The following KIF13B variants were observed in gnomAD, a reference collection of about 807,000 sequenced individuals.
The protein encoded by KIF13B is kinesin family member 13B.
In KIF13B, 127 loss-of-function variants were observed where a neutral mutation model predicts 222.0. That is an observed-to-expected ratio of 0.57 (90% CI 0.50 to 0.66). KIF13B has a LOEUF of 0.66. KIF13B is among the 30% of genes least tolerant of loss of function. KIF13B has a pLI of 0.00. For missense variants in KIF13B, 2,173 were observed against 2,379.0 expected, an observed-to-expected ratio of 0.91 and a Z score of 1.80; for synonymous variants, 976 against 919.0, an observed-to-expected ratio of 1.06 and a Z score of -1.12.
At chr8:29,135,275 G>A (rs568909409) in intron 21 of KIF13B, among the ~76,000 whole-genome samples, 1 of 152,028 alleles carries the variant, frequency 6.6e-6, no homozygotes, top group Non-Finnish European at 1.5e-5. Context: ...GAATTCCTGA[G>A]CTCAAGTGAT....
intron 23 of KIF13B, 56 bp downstream of exon 23, chr8:29,132,252 A>T: frequency 7.5e-7 from 1 of 1,331,208 alleles, no homozygotes; most frequent in Non-Finnish European, 9.8e-7. Context: ...TGTCTCAAAA[A>T]ACAAAAAAAA....
intron 36 of KIF13B, among the ~76,000 whole-genome samples, chr8:29,098,041 C>T (rs182073097): frequency 1.1e-4 from 16 of 151,448 alleles, no homozygotes; most frequent in East Asian, 9.8e-4. Flanking sequence ...CATGGTGGCA[C>T]GTGCCTGCAG....
At chr8:29,090,695 CT>C (rs1219057884) in intron 37 of KIF13B, among the ~76,000 whole-genome samples, 1 of 152,100 alleles carries the variant, frequency 6.6e-6, no homozygotes, top group Non-Finnish European at 1.5e-5. Flanking sequence ...GATTTATATA[CT>C]TTATGTATTT....
In KIF13B at chr8:29,239,307, C is replaced by T. The variant is rs546511944; in HGVS notation, c.149+6039G>A. On this transcript the variant is annotated intron_variant, in intron 2 of 39. Coordinates refer to ENST00000524189, the MANE Select transcript of KIF13B (RefSeq NM_015254.4). ...CTGAGGAGGTATAGCTCCCTGTTTCCGTCTCTAAAAGAGCTGGAAGTATAC... is the reference window on the plus strand; with the variant it reads ...CTGAGGAGGTATAGCTCCCTGTTTCTGTCTCTAAAAGAGCTGGAAGTATAC... Among the ~76,000 whole-genome samples the T allele has an allele frequency of 1.4e-3, 214 of 152,278 alleles. 1 individual carries two copies. Among genetic ancestry groups the T allele is most frequent in the Admixed American group, 2.5e-3 (38 of 15,302 alleles).
At chr8:29,123,335 G>C in intron 28 of KIF13B, 31 bp downstream of exon 28, 2 of 1,611,372 alleles carry the variant, frequency 1.2e-6, no homozygotes, top group Non-Finnish European at 1.7e-6. Context: ...TGAGCGTTCA[G>C]ACCTCACAAG....
intron 36 of KIF13B, among the ~76,000 whole-genome samples, chr8:29,097,311 A>G (rs550759567): frequency 6.6e-6 from 1 of 152,024 alleles, no homozygotes; most frequent in South Asian, 2.1e-4. Context: ...ATCTTAAATA[A>G]TTAGAAGCTA....
chr8:29,141,216 C>T (rs1810804432), intron 19 of KIF13B, among the ~76,000 whole-genome samples: 1 of 151,904 alleles, frequency 6.6e-6, no homozygotes, highest in South Asian at 2.1e-4. Flanking sequence ...CGCCTGTAAT[C>T]CCAGCTACTC....
intron 2 of KIF13B, among the ~76,000 whole-genome samples, chr8:29,232,452 A>G (rs1815328512): frequency 6.7e-6 from 1 of 148,684 alleles, no homozygotes. Context: ...ATATATATAT[A>G]TATACTTATA....
At chr8:29,073,635 A>C (rs1365446995) in intron 38 of KIF13B, among the ~76,000 whole-genome samples, 3 of 152,226 alleles carry the variant, frequency 2.0e-5, no homozygotes, top group African/African-American at 7.2e-5. Flanking sequence ...TATTACAGGA[A>C]TGGTCATTTT....
At chr8:29,240,765 C>T (rs1016625834) in intron 2 of KIF13B, among the ~76,000 whole-genome samples, 8 of 152,266 alleles carry the variant, frequency 5.3e-5, no homozygotes, top group Admixed American at 3.9e-4. Flanking sequence ...TGCCTTGAGG[C>T]AGGATATGCA....
At chr8:29,168,891 A>G (rs1812120524) in intron 10 of KIF13B, among the ~76,000 whole-genome samples, 3 of 152,204 alleles carry the variant, frequency 2.0e-5, no homozygotes, top group Admixed American at 2.0e-4. Context: ...GTTACAATCA[A>G]TAGATAACTA....
intron 14 of KIF13B, 73 bp from the exon 15 acceptor site, chr8:29,150,456 T>C (rs914183601): frequency 5.6e-6 from 4 of 718,682 alleles, no homozygotes; most frequent in South Asian, 1.7e-5. Flanking sequence ...CCCAATAACA[T>C]AGAGATATAG....
At chr8:29,124,638 C>T (rs368656146) in intron 26 of KIF13B, among the ~76,000 whole-genome samples, 1 of 152,224 alleles carries the variant, frequency 6.6e-6, no homozygotes, top group African/African-American at 2.4e-5. Flanking sequence ...AATGCCAGCA[C>T]TTTGGGAGGT....
At chr8:29,082,310 G>A (rs1807848217) in intron 37 of KIF13B, among the ~76,000 whole-genome samples, 1 of 152,134 alleles carries the variant, frequency 6.6e-6, no homozygotes, top group African/African-American at 2.4e-5. Flanking sequence ...CATTAGATAT[G>A]TATTATAGTC....
At chr8:29,143,124 G>T (rs181351343) in intron 18 of KIF13B, among the ~76,000 whole-genome samples, 38 of 152,264 alleles carry the variant, frequency 2.5e-4, no homozygotes, top group Middle Eastern at 3.4e-3. Flanking sequence ...AAAGCACAGG[G>T]ATTATAGGCA....
At chr8:29,116,468 T>TA (rs891005116) in intron 31 of KIF13B, among the ~76,000 whole-genome samples, 86 of 147,560 alleles carry the variant, frequency 5.8e-4, no homozygotes, top group Admixed American at 1.1e-3. Context: ...GACTCTATCT[T>TA]AAAAAAAAAA....
In KIF13B at chr8:29,113,535, T is replaced by A; in HGVS notation, c.3858A>T (p.Leu1286=). Residue 1286 remains leucine (L), a synonymous_variant, in exon 32 of 40, where the codon CTA becomes CTT. Coordinates refer to ENST00000524189, the MANE Select transcript of KIF13B (RefSeq NM_015254.4). ...TAGAACTTCGATGAGACATCTTTTT[T>A]AGGAGACTCTGTGCAAAACCCTAGA... ...HGRQGFAQSL[L]KKMSHRSSIP... 1 of 1,585,486 alleles carries A rather than the reference T, an allele frequency of 6.3e-7. No individual in the cohort carries two copies. The highest frequency in any genetic ancestry group is 8.6e-7 in the Non-Finnish European group (1 of 1,163,714).
chr8:29,167,337 C>T (rs1300385725), intron 11 of KIF13B, 36 bp downstream of exon 11: 1 of 1,532,924 alleles, frequency 6.5e-7, no homozygotes, highest in East Asian at 2.3e-5. Context: ...ATTCCTCTTC[C>T]TGGACTCACA....
rs376813155 is a variant in KIF13B at position 29,191,018 on chromosome 8, A to T, written c.202T>A (p.Ser68Thr). Reference sequence around the variant, plus strand: ...TTACCTGCATACTTTTCTTTGACAGATTCATCCATAGACCAGAAACAATGA... The same window carrying T: ...TTACCTGCATACTTTTCTTTGACAGTTTCATCCATAGACCAGAAACAATGA... ...YDHCFWSMDE[S>T]VKEKYAGQDI... is the part of the protein sequence containing the mutation. Residue 68 changes from serine (S) to threonine (T), a missense_variant, in exon 4 of 40, where the codon TCT (serine) becomes ACT (threonine). Around this residue, in one of 2 missense-constraint regions of KIF13B, gnomAD observed 1,480 missense variants for 1,722.8 expected, o/e 0.86. Transcript: ENST00000524189. The T allele has an allele frequency of 6.2e-7, 1 of 1,613,244 alleles. No homozygotes were observed.
Sources: gnomAD v4.1 joint callset for allele counts (sites outside exome capture counted in the v4.1 genomes callset) on GRCh38, gnomAD v4.1.1 for gene constraint, gnomAD v4.1.1 regional missense constraint, MANE v1.5 for transcripts, NCBI Gene and HGNC (gene_info 2026-07-23, HGNC 2026-07-21) for gene names.